GRIP1: variants seen among roughly 807,000 people sequenced by gnomAD.
GRIP1 encodes the protein glutamate receptor interacting protein 1, also known as glutamate receptor-interacting protein 1.
In GRIP1, 45 loss-of-function variants were observed where a neutral mutation model predicts 129.9. That is an observed-to-expected ratio of 0.35 (90% CI 0.27 to 0.44). The LOEUF (loss-of-function observed/expected upper bound fraction) is 0.44. GRIP1 is among the 20% of genes least tolerant of loss of function. The probability of loss-of-function intolerance (pLI) is 1.00; values close to 1 mark genes in which losing one functional copy is unlikely to be tolerated. For synonymous variants in GRIP1, 530 were observed against 520.8 expected (o/e 1.02, Z -0.24); for missense variants, 1,196 against 1,396.8 (o/e 0.86, Z 2.29).
At chr12:66,743,596 T>TG (rs34476303) in intron 1 of GRIP1, among the ~76,000 whole-genome samples, 37,116 of 151,364 alleles carry the variant, frequency 0.25, 5,161 homozygotes, top group East Asian at 0.37. Flanking sequence ...GGCTTTTTTT[T>TG]TGTGTGTGTG....
At chr12:66,997,033 T>C (rs751606519) in intron 1 of GRIP1, among the ~76,000 whole-genome samples, 3 of 152,136 alleles carry the variant, frequency 2.0e-5, no homozygotes, top group South Asian at 2.1e-4. Context: ...GAAAGACTAA[T>C]AGAGAAAAGG....
intron 4 of GRIP1, among the ~76,000 whole-genome samples, chr12:66,536,473 C>T (rs1436280101): frequency 1.3e-5 from 2 of 152,106 alleles, no homozygotes; most frequent in Non-Finnish European, 2.9e-5. Context: ...CTATAACAAC[C>T]GTAAGTATAT....
chr12:66,473,926 T>G (rs923430747), intron 7 of GRIP1, among the ~76,000 whole-genome samples: 3 of 152,092 alleles, frequency 2.0e-5, no homozygotes, highest in Admixed American at 6.6e-5. Context: ...TCTCTTCTCC[T>G]CCAGAGGATC....
At chr12:66,636,713 C>CTGTG (rs1431704311) in intron 1 of GRIP1, among the ~76,000 whole-genome samples, 2 of 101,130 alleles carry the variant, frequency 2.0e-5, no homozygotes, top group African/African-American at 9.1e-5. Flanking sequence ...GACATTAGAT[C>CTGTG]TCTGTGTGTG....
At chr12:66,532,266 A>C (rs1393142918) in intron 4 of GRIP1, among the ~76,000 whole-genome samples, 2 of 152,164 alleles carry the variant, frequency 1.3e-5, no homozygotes, top group Non-Finnish European at 2.9e-5. Context: ...GACATCCTGC[A>C]TTGCCATGTA....
chr12:66,700,409 TG>T (rs1016103652), intron 1 of GRIP1, among the ~76,000 whole-genome samples: 2 of 149,030 alleles, frequency 1.3e-5, no homozygotes, highest in Admixed American at 6.7e-5. Flanking sequence ...TCACAGGTGA[TG>T]GGAACCAGTG....
intron 2 of GRIP1, among the ~76,000 whole-genome samples, chr12:66,579,027 C>A (rs1006358656): frequency 2.6e-5 from 4 of 152,184 alleles, no homozygotes; most frequent in Non-Finnish European, 5.9e-5. Flanking sequence ...GGCAGACTGA[C>A]ACCTAACACA....
intron 4 of GRIP1, among the ~76,000 whole-genome samples, chr12:66,534,406 A>G (rs2061548720): frequency 6.6e-6 from 1 of 152,134 alleles, no homozygotes; most frequent in African/African-American, 2.4e-5. Flanking sequence ...TTGGGCTTGT[A>G]GCCTCTGGTC....
At chr12:66,735,062 GCA>G (rs1176927148) in intron 1 of GRIP1, among the ~76,000 whole-genome samples, 1 of 152,132 alleles carries the variant, frequency 6.6e-6, no homozygotes, top group Non-Finnish European at 1.5e-5. Context: ...TGATGTCCTT[GCA>G]CAGTTTCTCC....
intron 1 of GRIP1, among the ~76,000 whole-genome samples, chr12:66,984,745 C>T (rs2042286733): frequency 6.6e-6 from 1 of 152,154 alleles, no homozygotes; most frequent in South Asian, 2.1e-4. Context: ...AGATATTCTT[C>T]TCTAGTGTGC....
chr12:66,727,412 T>C (rs983837594), intron 1 of GRIP1, among the ~76,000 whole-genome samples: 1 of 152,190 alleles, frequency 6.6e-6, no homozygotes, highest in Non-Finnish European at 1.5e-5. Context: ...CCTCTTGCTC[T>C]TGGGCCAGCA....
intron 1 of GRIP1, among the ~76,000 whole-genome samples, chr12:66,850,669 C>T (rs185242604): frequency 6.6e-6 from 1 of 152,090 alleles, no homozygotes; most frequent in African/African-American, 2.4e-5. Flanking sequence ...ACAAGGGGCA[C>T]TACAGTTGAC....
chr12:66,745,026 C>T (rs573313940), intron 1 of GRIP1, among the ~76,000 whole-genome samples: 5 of 152,218 alleles, frequency 3.3e-5, no homozygotes, highest in African/African-American at 1.2e-4. Flanking sequence ...CAGGGACAAA[C>T]ATTTTACACG....
chr12:66,856,924 A>G (rs1350819671), intron 1 of GRIP1, among the ~76,000 whole-genome samples: 3 of 152,146 alleles, frequency 2.0e-5, no homozygotes, highest in Non-Finnish European at 4.4e-5. Context: ...TCATGCACAC[A>G]TATGTTTATT....
At chr12:66,707,489 C>A (rs115668993) in intron 1 of GRIP1, among the ~76,000 whole-genome samples, 5 of 136,652 alleles carry the variant, frequency 3.7e-5, no homozygotes, top group African/African-American at 1.4e-4. Flanking sequence ...TAACTGTCTG[C>A]GCCAATCACT....
chr12:66,980,545 A>G (rs996367153), intron 1 of GRIP1, among the ~76,000 whole-genome samples: 1 of 152,206 alleles, frequency 6.6e-6, no homozygotes, highest in African/African-American at 2.4e-5. Context: ...CAGGAGGCAG[A>G]GGTTGCAGTG....
intron 5 of GRIP1, among the ~76,000 whole-genome samples, chr12:66,520,688 T>C (rs1245618639): frequency 1.3e-5 from 2 of 152,190 alleles, no homozygotes; most frequent in African/African-American, 2.4e-5. Flanking sequence ...CATTACATCA[T>C]CAGTTGTCTT....
upstream of GRIP1, among the ~76,000 whole-genome samples, chr12:66,680,911 T>A (rs955644837): frequency 7.9e-5 from 12 of 152,178 alleles, no homozygotes; most frequent in African/African-American, 2.9e-4. Flanking sequence ...TCCAATTTGC[T>A]TTTTCCTTAT....
intron 23 of GRIP1, among the ~76,000 whole-genome samples, chr12:66,354,958 T>A (rs1387828250): frequency 2.0e-5 from 3 of 152,140 alleles, no homozygotes; most frequent in Non-Finnish European, 4.4e-5. Context: ...TGGGGTTATG[T>A]ACCCGCTCAA....
Sources: allele counts gnomAD v4.1 joint callset (sites outside exome capture counted in the v4.1 genomes callset), GRCh38; gene constraint gnomAD v4.1.1; transcripts MANE v1.5; gene names NCBI Gene and HGNC (gene_info 2026-07-23, HGNC 2026-07-21).